Variants in FSTL5 observed in about 807,000 individuals in gnomAD.
The protein encoded by FSTL5 is follistatin-related protein 5.
A neutral mutation model predicts 89.1 loss-of-function variants in FSTL5; 62 were observed. That is an observed-to-expected ratio of 0.70 (90% CI 0.57 to 0.86). The LOEUF (loss-of-function observed/expected upper bound fraction) is 0.86. FSTL5 is among the 40% of genes least tolerant of loss of function. The pLI, the probability that FSTL5 is intolerant of heterozygous loss-of-function variation, is 0.00. For missense variants in FSTL5, 1,057 were observed against 1,001.6 expected, an observed-to-expected ratio of 1.06 and a Z score of -0.75; for synonymous variants, 383 against 346.2, an observed-to-expected ratio of 1.11 and a Z score of -1.18.
chr4:161,859,108 C>T (rs1343678686), intron 4 of FSTL5, among the ~76,000 whole-genome samples: 1 of 152,146 alleles, frequency 6.6e-6, no homozygotes, highest in Admixed American at 6.5e-5. Context: ...GATAGTCTTC[C>T]ACTTTTAAAA....
chr4:162,161,948 T>C (rs1211641377), intron 1 of FSTL5, among the ~76,000 whole-genome samples: 1 of 152,016 alleles, frequency 6.6e-6, no homozygotes, highest in Non-Finnish European at 1.5e-5. Context: ...CCTAGCTCAG[T>C]GTTTTATATA....
At chr4:161,944,667 T>C (rs1040396399) in intron 3 of FSTL5, among the ~76,000 whole-genome samples, 3 of 151,852 alleles carry the variant, frequency 2.0e-5, no homozygotes, top group Non-Finnish European at 4.4e-5. Context: ...TCAATATCTT[T>C]ATCACAGTAA....
chr4:162,082,002 G>T, intron 2 of FSTL5, among the ~76,000 whole-genome samples: 1 of 151,588 alleles, frequency 6.6e-6, no homozygotes, highest in South Asian at 2.1e-4. Flanking sequence ...TGATTCCAAC[G>T]TTTAAAAATT....
At chr4:161,833,046 C>G (rs1730900788) in intron 4 of FSTL5, among the ~76,000 whole-genome samples, 1 of 151,176 alleles carries the variant, frequency 6.6e-6, no homozygotes, top group Non-Finnish European at 1.5e-5. Context: ...CTACACGCTG[C>G]TTTGAATGTG....
chr4:161,438,382 C>A (rs565526722), intron 15 of FSTL5, among the ~76,000 whole-genome samples: 1 of 152,046 alleles, frequency 6.6e-6, no homozygotes, highest in African/African-American at 2.4e-5. Flanking sequence ...AAAACTGCTA[C>A]TTAGAAATAA....
chr4:161,699,772 G>A (rs753883968), intron 6 of FSTL5, among the ~76,000 whole-genome samples: 6 of 152,108 alleles, frequency 3.9e-5, no homozygotes, highest in Non-Finnish European at 7.4e-5. Context: ...TTTTTTGTGG[G>A]ACTTGGGGTC....
At chr4:161,479,229 A>G (rs1169792353) in intron 13 of FSTL5, among the ~76,000 whole-genome samples, 1 of 152,080 alleles carries the variant, frequency 6.6e-6, no homozygotes, top group Admixed American at 6.6e-5. Flanking sequence ...TTCCCTTAGT[A>G]TTTCATAATA....
intron 6 of FSTL5, among the ~76,000 whole-genome samples, chr4:161,659,689 T>TTAC (rs781605739): frequency 1.4e-4 from 22 of 152,148 alleles, no homozygotes; most frequent in Non-Finnish European, 2.6e-4. Context: ...TTTATATCTA[T>TTAC]TACTGTAAAT....
At chr4:161,666,022 T>C (rs1736881033) in intron 6 of FSTL5, among the ~76,000 whole-genome samples, 1 of 152,070 alleles carries the variant, frequency 6.6e-6, no homozygotes, top group African/African-American at 2.4e-5. Context: ...AAGACACAAA[T>C]GAATTCTCCA....
At chr4:162,128,069 T>C (rs905170495) in intron 1 of FSTL5, among the ~76,000 whole-genome samples, 6 of 151,232 alleles carry the variant, frequency 4.0e-5, no homozygotes, top group African/African-American at 1.5e-4. Context: ...CATGTAAAAC[T>C]AGAATTTTAT....
intron 5 of FSTL5, among the ~76,000 whole-genome samples, chr4:161,774,765 CTAGTTATT>C (rs1432381499): frequency 7.2e-6 from 1 of 137,958 alleles, no homozygotes; most frequent in African/African-American, 3.4e-5. Flanking sequence ...ATTTAATTAA[CTAGTTATT>C]TATTCTTATT....
intron 4 of FSTL5, among the ~76,000 whole-genome samples, chr4:161,862,081 G>A (rs75085667): frequency 0.032 from 4,848 of 152,194 alleles, 153 homozygotes; most frequent in East Asian, 0.14. Flanking sequence ...TTAATAAACC[G>A]TAGAAAAACA....
At chr4:162,111,523 T>C (rs1385006460) in intron 1 of FSTL5, 111 bp from the exon 2 acceptor site, 1 of 721,206 alleles carries the variant, frequency 1.4e-6, no homozygotes, top group Admixed American at 3.2e-5. Flanking sequence ...TAATCAAAAC[T>C]TGCTGGTAGT....
At chr4:161,985,058 G>C (rs1261279692) in intron 3 of FSTL5, among the ~76,000 whole-genome samples, 2 of 151,600 alleles carry the variant, frequency 1.3e-5, no homozygotes, top group Non-Finnish European at 2.9e-5. Flanking sequence ...CTGGGTTCAA[G>C]CAATTTTCGT....
At chr4:161,667,468 T>C (rs1000667930) in intron 6 of FSTL5, among the ~76,000 whole-genome samples, 5 of 152,096 alleles carry the variant, frequency 3.3e-5, no homozygotes, top group Admixed American at 3.3e-4. Context: ...ACATTCTAAG[T>C]ACATTCTAAG....
chr4:161,613,394 G>A (rs572429948), intron 7 of FSTL5, among the ~76,000 whole-genome samples: 68 of 151,420 alleles, frequency 4.5e-4, no homozygotes, highest in African/African-American at 1.6e-3. Context: ...AGGTTGCAGG[G>A]AGCCGAGATG....
intron 6 of FSTL5, among the ~76,000 whole-genome samples, chr4:161,754,330 TAA>T (rs889355875): frequency 6.6e-6 from 1 of 152,122 alleles, no homozygotes; most frequent in Admixed American, 6.5e-5. Flanking sequence ...TAGAAATTTT[TAA>T]AAGTGTGACA....
At chr4:161,634,249 C>G (rs1323621900) in intron 7 of FSTL5, among the ~76,000 whole-genome samples, 1 of 152,144 alleles carries the variant, frequency 6.6e-6, no homozygotes, top group Non-Finnish European at 1.5e-5. Flanking sequence ...ACAAAACTTT[C>G]AAGTATCAAG....
chr4:161,719,199 A>G (rs1200313393), intron 6 of FSTL5, among the ~76,000 whole-genome samples: 1 of 152,200 alleles, frequency 6.6e-6, no homozygotes, highest in African/African-American at 2.4e-5. Flanking sequence ...TTTATTGATG[A>G]CAACATCCTT....
Sources: gnomAD v4.1 joint callset for allele counts (sites outside exome capture counted in the v4.1 genomes callset) on GRCh38, gnomAD v4.1.1 for gene constraint, MANE v1.5 for transcripts, NCBI Gene and HGNC (gene_info 2026-07-23, HGNC 2026-07-21) for gene names.